TMEM74: variants seen among roughly 807,000 people sequenced by gnomAD.
TMEM74 encodes the protein transmembrane protein 74.
A neutral mutation model predicts 18.1 loss-of-function variants in TMEM74; 13 were observed. The ratio of observed to expected loss-of-function variants is 0.72; its 90% CI spans 0.47 to 1.14. The LOEUF is 1.14. Ranked by LOEUF, TMEM74 falls within the 50% of genes most tolerant of loss-of-function variation. TMEM74 has a pLI of 0.00. For synonymous variants in TMEM74, 159 were observed against 146.6 expected, an observed-to-expected ratio of 1.08 and a Z score of -0.61; for missense variants, 372 against 375.9, an observed-to-expected ratio of 0.99 and a Z score of 0.09.
chr8:108,616,543 G>C (rs573243991), intron 2 of TMEM74, among the ~76,000 whole-genome samples: 1 of 152,086 alleles, frequency 6.6e-6, no homozygotes, highest in Non-Finnish European at 1.5e-5. Flanking sequence ...ATAAAATAGG[G>C]CAAGAATTAT....
At chr8:108,625,252 A>C (rs958655) in intron 2 of TMEM74, among the ~76,000 whole-genome samples, 33,134 of 152,044 alleles carry the variant, frequency 0.22, 3,641 homozygotes, top group East Asian at 0.27. Flanking sequence ...CACACATGTG[A>C]AAGGGTAGGA....
intron 1 of TMEM74, among the ~76,000 whole-genome samples, chr8:108,659,252 C>T (rs943519418): frequency 6.6e-5 from 10 of 151,718 alleles, no homozygotes; most frequent in African/African-American, 2.4e-4. Context: ...AGATAGCCCA[C>T]TAACACACAC....
chr8:108,680,142 G>A (rs923282339), intron 1 of TMEM74, among the ~76,000 whole-genome samples: 1 of 152,156 alleles, frequency 6.6e-6, no homozygotes, highest in African/African-American at 2.4e-5. Context: ...TAGAAAAAGA[G>A]GGAATCCTCC....
intron 1 of TMEM74, among the ~76,000 whole-genome samples, chr8:108,773,511 C>T (rs909918141): frequency 5.3e-5 from 8 of 152,124 alleles, no homozygotes; most frequent in Non-Finnish European, 1.0e-4. Flanking sequence ...TCCCCTAAAA[C>T]GGTAGAGCCT....
chr8:108,689,012 G>C (rs913509568), intron 1 of TMEM74, among the ~76,000 whole-genome samples: 2 of 152,192 alleles, frequency 1.3e-5, no homozygotes, highest in Non-Finnish European at 2.9e-5. Context: ...ATGGTGAACA[G>C]CATTAAGCTA....
chr8:108,778,424 CTG>C (rs1814260773), downstream of TMEM74, among the ~76,000 whole-genome samples: 3 of 152,120 alleles, frequency 2.0e-5, no homozygotes, highest in South Asian at 6.2e-4. Flanking sequence ...TAGCGAGAGA[CTG>C]TGGAAATGTA....
chr8:108,775,149 A>C (rs1020708106), downstream of TMEM74, among the ~76,000 whole-genome samples: 1 of 152,314 alleles, frequency 6.6e-6, no homozygotes, highest in Admixed American at 6.5e-5. Context: ...GTTCATCAGA[A>C]TGCTGAAACT....
chr8:108,662,514 A>G (rs1347643463), intron 1 of TMEM74, among the ~76,000 whole-genome samples: 1 of 152,124 alleles, frequency 6.6e-6, no homozygotes, highest in Non-Finnish European at 1.5e-5. Context: ...TCGTTTTTCC[A>G]CAAAGAGTTT....
intron 1 of TMEM74, among the ~76,000 whole-genome samples, chr8:108,668,103 G>A (rs901669365): frequency 6.6e-6 from 1 of 152,062 alleles, no homozygotes; most frequent in African/African-American, 2.4e-5. Flanking sequence ...CTAAAATTTG[G>A]TTATTGGAAT....
At chr8:108,646,425 T>C (rs1397007327) in intron 2 of TMEM74, among the ~76,000 whole-genome samples, 1 of 152,160 alleles carries the variant, frequency 6.6e-6, no homozygotes, top group Non-Finnish European at 1.5e-5. Flanking sequence ...TCACCAAGAT[T>C]AAATGAATTG....
At chr8:108,713,459 C>T (rs551682600) in intron 1 of TMEM74, among the ~76,000 whole-genome samples, 26 of 152,114 alleles carry the variant, frequency 1.7e-4, no homozygotes, top group Non-Finnish European at 2.9e-5. Context: ...TCATTCAATA[C>T]ATATTTTTTA....
intron 1 of TMEM74, among the ~76,000 whole-genome samples, chr8:108,671,469 G>A (rs1468502226): frequency 1.3e-5 from 2 of 152,164 alleles, no homozygotes; most frequent in Non-Finnish European, 2.9e-5. Flanking sequence ...GTGCCCAAAA[G>A]AAAAGCAGGT....
At chr8:108,725,178 C>T (rs1813624245) in intron 1 of TMEM74, among the ~76,000 whole-genome samples, 2 of 152,204 alleles carry the variant, frequency 1.3e-5, no homozygotes, top group South Asian at 2.1e-4. Flanking sequence ...AAAGACACTT[C>T]CTTAACCTTC....
At position 108,618,270 on chromosome 8, in the gene TMEM74, C is replaced by CA. The variant is rs1170487106; in HGVS notation, n.265-9445dup. The stretch of plus-strand genomic sequence containing the variant: ...GTGCTGAAATATTTTGGAGCAGTAG[C>CA]AATGGGCAAAAAGGGTTTTGTTGGT... On this transcript the variant is annotated intron_variant and non_coding_transcript_variant, in intron 2 of 3. Coordinates refer to the TMEM74 transcript ENST00000518838. Among the ~76,000 whole-genome samples, 7 of 152,198 alleles carry CA rather than the reference C, an allele frequency of 4.6e-5. No homozygotes were observed. The South Asian group carries it at 1.2e-3, about 27-fold the overall frequency.
chr8:108,678,539 T>G (rs1813077956), intron 1 of TMEM74, among the ~76,000 whole-genome samples: 1 of 150,702 alleles, frequency 6.6e-6, no homozygotes, highest in African/African-American at 2.4e-5. Context: ...TATTTTTTTT[T>G]TTTTTGTATT....
At chr8:108,679,114 A>C (rs1392222083) in intron 1 of TMEM74, among the ~76,000 whole-genome samples, 1 of 152,076 alleles carries the variant, frequency 6.6e-6, no homozygotes, top group Admixed American at 6.6e-5. Flanking sequence ...TCCATGGTGT[A>C]TATGTGCCAC....
chr8:108,633,598 GC>G (rs1812576971), intron 2 of TMEM74, among the ~76,000 whole-genome samples: 1 of 152,014 alleles, frequency 6.6e-6, no homozygotes, highest in Non-Finnish European at 1.5e-5. Flanking sequence ...CACCATATAA[GC>G]AGTGAGTGCT....
At chr8:108,682,764 T>C (rs180733996) in intron 1 of TMEM74, among the ~76,000 whole-genome samples, 2 of 152,122 alleles carry the variant, frequency 1.3e-5, no homozygotes, top group East Asian at 1.9e-4. Context: ...AATACTCTTA[T>C]AGTGCTCTAG....
chr8:108,640,115 CTTT>C (rs35455409), intron 2 of TMEM74, among the ~76,000 whole-genome samples: 1 of 78,890 alleles, frequency 1.3e-5, no homozygotes, highest in East Asian at 4.5e-4. Flanking sequence ...ATAGTAATCA[CTTT>C]TTTTTTTTTT....
Sources: gnomAD v4.1 joint callset for allele counts (sites outside exome capture counted in the v4.1 genomes callset) on GRCh38, gnomAD v4.1.1 for gene constraint, MANE v1.5 for transcripts, NCBI Gene and HGNC (gene_info 2026-07-23, HGNC 2026-07-21) for gene names.